Variants in MCC observed in about 807,000 individuals in gnomAD.
The protein encoded by MCC is colorectal mutant cancer protein.
A neutral mutation model predicts 116.2 loss-of-function variants in MCC; 90 were observed. The ratio of observed to expected loss-of-function variants is 0.77; its 90% confidence interval spans 0.65 to 0.92. The LOEUF is 0.92. Among genes scored for constraint, MCC ranks in the 40% least tolerant of loss-of-function variants. The pLI, the probability that MCC is intolerant of heterozygous loss-of-function variation, is 0.00. For missense variants in MCC, 1,516 were observed against 1,312.2 expected (o/e 1.16, Z -2.40); for synonymous variants, 578 against 510.5 (o/e 1.13, Z -1.78).
chr5:113,310,974 A>G (rs912314716), intron 3 of MCC, among the ~76,000 whole-genome samples: 1 of 152,202 alleles, frequency 6.6e-6, no homozygotes, highest in Non-Finnish European at 1.5e-5. Flanking sequence ...ATTAAAAAGA[A>G]GTCCACCAGC....
chr5:113,484,923 T>C (rs893216910), intron 1 of MCC, among the ~76,000 whole-genome samples: 8 of 152,214 alleles, frequency 5.3e-5, no homozygotes, highest in African/African-American at 1.7e-4. Flanking sequence ...TGAAATGCAC[T>C]GAAAGAGCTT....
intron 3 of MCC, among the ~76,000 whole-genome samples, chr5:113,167,806 T>C (rs1423809957): frequency 6.6e-6 from 1 of 152,066 alleles, no homozygotes; most frequent in Non-Finnish European, 1.5e-5. Context: ...AATTTTTAAA[T>C]TTTTGCAGAG....
At chr5:113,443,666 T>C (rs1771115615) in intron 1 of MCC, among the ~76,000 whole-genome samples, 1 of 152,180 alleles carries the variant, frequency 6.6e-6, no homozygotes, top group African/African-American at 2.4e-5. Context: ...TTGAGATACA[T>C]TCCATTGATA....
chr5:113,033,510 T>C (rs17314193), intron 17 of MCC, among the ~76,000 whole-genome samples: 13,426 of 152,270 alleles, frequency 0.088, 812 homozygotes, highest in Middle Eastern at 0.14. Context: ...CTAATTTAAA[T>C]TTGCTTAGCC....
At chr5:113,161,426 A>G (rs926317005) in intron 3 of MCC, among the ~76,000 whole-genome samples, 4 of 152,342 alleles carry the variant, frequency 2.6e-5, no homozygotes, top group Middle Eastern at 3.4e-3. Context: ...TATTGATCCA[A>G]TTTAGCAGGT....
chr5:113,435,335 G>T (rs370762651), intron 1 of MCC, among the ~76,000 whole-genome samples: 3 of 150,588 alleles, frequency 2.0e-5, no homozygotes, highest in African/African-American at 7.3e-5. Context: ...AACCCTGAGG[G>T]TCACACAATT....
intron 2 of MCC, among the ~76,000 whole-genome samples, chr5:113,381,990 G>T (rs1769136093): frequency 6.6e-6 from 1 of 152,192 alleles, no homozygotes; most frequent in South Asian, 2.1e-4. Flanking sequence ...AAAATCCAAA[G>T]ATTTAGATGT....
intron 3 of MCC, among the ~76,000 whole-genome samples, chr5:113,228,929 G>A (rs1323848115): frequency 6.6e-6 from 1 of 152,124 alleles, no homozygotes; most frequent in Non-Finnish European, 1.5e-5. Flanking sequence ...GGAAGGATTG[G>A]GTTGCCATTT....
At chr5:113,125,947 G>GA (rs918037044) in intron 5 of MCC, among the ~76,000 whole-genome samples, 3 of 152,078 alleles carry the variant, frequency 2.0e-5, no homozygotes, top group African/African-American at 4.8e-5. Flanking sequence ...TAAAAACATG[G>GA]AAAAAAAGTG....
chr5:113,389,686 T>A (rs1024928807), intron 1 of MCC, among the ~76,000 whole-genome samples: 2 of 152,196 alleles, frequency 1.3e-5, no homozygotes, highest in African/African-American at 4.8e-5. Context: ...GCAGCCAGTG[T>A]TGATGCTACG....
At chr5:113,074,295 C>G (rs1038364203) in intron 11 of MCC, among the ~76,000 whole-genome samples, 24 of 152,220 alleles carry the variant, frequency 1.6e-4, no homozygotes, top group Admixed American at 7.2e-4. Flanking sequence ...CCAGCAAACT[C>G]CAACAGACCT....
intron 2 of MCC, among the ~76,000 whole-genome samples, chr5:113,380,597 ACAAT>A (rs748209367): frequency 7.9e-5 from 12 of 152,222 alleles, no homozygotes; most frequent in Non-Finnish European, 1.6e-4. Flanking sequence ...AGTAAACATG[ACAAT>A]CAACGTCATT....
intron 3 of MCC, among the ~76,000 whole-genome samples, chr5:113,263,767 C>T (rs1039717524): frequency 1.3e-5 from 2 of 152,100 alleles, no homozygotes; most frequent in Non-Finnish European, 2.9e-5. Flanking sequence ...TCTTAATTTT[C>T]CTGAAACGTT....
chr5:113,242,297 G>T (rs1368001009), intron 3 of MCC, among the ~76,000 whole-genome samples: 2 of 152,188 alleles, frequency 1.3e-5, no homozygotes, highest in African/African-American at 4.8e-5. Flanking sequence ...ATTCATTCTA[G>T]TATATTCACA....
intron 1 of MCC, among the ~76,000 whole-genome samples, chr5:113,421,111 T>C (rs528738741): frequency 6.6e-6 from 1 of 152,028 alleles, no homozygotes; most frequent in South Asian, 2.1e-4. Context: ...GCAACCTCTG[T>C]CTCCCAGGTT....
At chr5:113,134,449 A>G (rs1446665373) in intron 5 of MCC, among the ~76,000 whole-genome samples, 1 of 151,658 alleles carries the variant, frequency 6.6e-6, no homozygotes, top group Non-Finnish European at 1.5e-5. Flanking sequence ...TTGTGCCAGT[A>G]CTATGCTGTT....
At chr5:113,037,736 ATGATGGAGG>A (rs1426971565) in intron 17 of MCC, among the ~76,000 whole-genome samples, 1 of 152,132 alleles carries the variant, frequency 6.6e-6, no homozygotes, top group African/African-American at 2.4e-5. Context: ...GGGAAGATAC[ATGATGGAGG>A]TGACTGAAGG....
At chr5:113,051,287 G>C (rs972977337) in intron 15 of MCC, among the ~76,000 whole-genome samples, 2 of 152,150 alleles carry the variant, frequency 1.3e-5, no homozygotes, top group Non-Finnish European at 2.9e-5. Flanking sequence ...GAATGAATCA[G>C]CACTGACGAA....
chr5:113,145,699 T>C lies in MCC; in HGVS notation c.742-2339A>G, dbSNP rs553940275. Among the ~76,000 whole-genome samples, 11 of 151,110 alleles carry C rather than the reference T, an allele frequency of 7.3e-5. No homozygotes were observed. The East Asian group carries it at 1.6e-3, about 21-fold the overall frequency. The stretch of plus-strand genomic sequence containing the variant: ...GCAGCCCTCGCTGCTGCTCTGCCTA[T>C]GGAGTGGCCATTCTTTTGTTTCTCT... On this transcript the variant is annotated intron_variant, in intron 4 of 18. Coordinates refer to ENST00000408903, the MANE Select transcript of MCC (RefSeq NM_001085377.2).
Sources: gnomAD v4.1 joint callset for allele counts (sites outside exome capture counted in the v4.1 genomes callset) on GRCh38, gnomAD v4.1.1 for gene constraint, MANE v1.5 for transcripts, NCBI Gene and HGNC (gene_info 2026-07-23, HGNC 2026-07-21) for gene names.